Variants in PATL1 observed in about 807,000 individuals in gnomAD.
PATL1 encodes the protein protein PAT1 homolog 1.
Under a neutral mutation model 100.6 loss-of-function variants are expected in PATL1, and 32 were observed. The ratio of observed to expected loss-of-function variants is 0.32; its 90% confidence interval spans 0.24 to 0.43. PATL1 has a LOEUF of 0.43. PATL1 is among the 20% of genes least tolerant of loss of function. The probability of loss-of-function intolerance (pLI) is 1.00; values close to 1 mark genes in which losing one functional copy is unlikely to be tolerated. For missense variants in PATL1, 747 were observed against 949.9 expected (o/e 0.79, Z 2.81); for synonymous variants, 332 against 330.0 (o/e 1.01, Z -0.07).
chr11:59,658,873 A>G lies in PATL1; in HGVS notation c.419T>C (p.Leu140Pro), dbSNP rs1861583573. The part of the protein sequence containing the change: ...EVLRRIRGPL[L>P]AQEMPTVSVL... ...AGAGAAAATATTTAATACCTGAGCA[A>G]GCAGTGGTCCTCGGATTCGCCTCAG... is the stretch of plus-strand genomic sequence containing the variant. The change falls in exon 4 of 19, where the codon CTT becomes CCT. Residue 140 changes from leucine to proline, a missense_variant. Leu to Pro is a moderately conservative substitution (Grantham distance 98). Transcript: ENST00000300146. The G allele has an allele frequency of 1.3e-6, 2 of 1,548,168 alleles. No individual in the cohort carries two copies. Among genetic ancestry groups the G allele is most frequent in the African/African-American group, 1.4e-5 (1 of 72,944 alleles).
At chr11:59,658,827 G>A in intron 4 of PATL1, 39 bp downstream of exon 4, 1 of 1,475,324 alleles carries the variant, frequency 6.8e-7, no homozygotes, top group South Asian at 1.3e-5. Context: ...AAAATTTTTG[G>A]ATATTATAAA....
chr11:59,658,174 A>AAAAAAAAG (rs1554984900), intron 4 of PATL1, among the ~76,000 whole-genome samples: 1 of 150,500 alleles, frequency 6.6e-6, no homozygotes, highest in African/African-American at 2.5e-5. Flanking sequence ...AAAAAAAAAA[A>AAAAAAAAG]AAAGAAAGAA....
chr11:59,650,689 A>T, intron 13 of PATL1, 65 bp downstream of exon 13: 1 of 1,134,434 alleles, frequency 8.8e-7, no homozygotes, highest in Non-Finnish European at 1.3e-6. Flanking sequence ...TTTCAGTTCT[A>T]GTATATACAT....
intron 15 of PATL1, among the ~76,000 whole-genome samples, chr11:59,644,504 T>TA (rs1254933128): frequency 6.6e-6 from 1 of 152,086 alleles, no homozygotes; most frequent in Non-Finnish European, 1.5e-5. Context: ...GTAAGGTTTT[T>TA]AAAATCTCTC....
At chr11:59,668,142 A>G (rs1861716524) in intron 1 of PATL1, among the ~76,000 whole-genome samples, 1 of 152,212 alleles carries the variant, frequency 6.6e-6, no homozygotes, top group South Asian at 2.1e-4. Context: ...TTTAAATTAA[A>G]AATTCTTAAG....
At chr11:59,656,764 T>C (rs1285743003) in intron 5 of PATL1, among the ~76,000 whole-genome samples, 164 bp from the exon 6 acceptor site, 1 of 152,226 alleles carries the variant, frequency 6.6e-6, no homozygotes. Context: ...TTGGGCCACT[T>C]TCTCTCACAA....
rs575316041 is a variant in PATL1, at chr11:59,655,720, A to G, written c.834T>C (p.Ser278=). The G allele has an allele frequency of 3.0e-4, 485 of 1,597,322 alleles. 11 individuals are homozygous for G. The South Asian group carries it at 5.3e-3, about 17-fold the overall frequency. The change falls in exon 8 of 19, where the codon TCT becomes TCC. Residue 278 remains serine, a synonymous_variant. Coordinates refer to ENST00000300146, the MANE Select transcript of PATL1 (RefSeq NM_152716.3). ...CAGGGACCCGTGCAAACTGGCTGGGAGACATCCGTCCAGGCTGTAGCTACA... is the reference window on the plus strand; with the variant it reads ...CAGGGACCCGTGCAAACTGGCTGGGGGACATCCGTCCAGGCTGTAGCTACA... The part of the protein sequence containing the change: ...GGAQLQPGRM[S]PSQFARVPGF...
intron 10 of PATL1, 87 bp downstream of exon 10, chr11:59,652,751 T>C (rs1307614451): frequency 2.0e-6 from 3 of 1,498,534 alleles, no homozygotes; most frequent in Non-Finnish European, 2.7e-6. Flanking sequence ...ATTTTACAAA[T>C]ATTTAATTGT....
At chr11:59,651,090 T>C (rs993124769) in intron 12 of PATL1, among the ~76,000 whole-genome samples, 2 of 152,124 alleles carry the variant, frequency 1.3e-5, no homozygotes, top group African/African-American at 4.8e-5. Context: ...TCTTAAACGT[T>C]AATTTTAGGT....
At chr11:59,650,048 T>G (rs180768178) in intron 13 of PATL1, among the ~76,000 whole-genome samples, 2 of 146,588 alleles carry the variant, frequency 1.4e-5, no homozygotes, top group African/African-American at 5.1e-5. Context: ...TTGAACCCGG[T>G]AGGCGGAGGT....
intron 12 of PATL1, 59 bp downstream of exon 12, chr11:59,651,485 C>G: frequency 7.3e-7 from 1 of 1,363,038 alleles, no homozygotes; most frequent in Non-Finnish European, 1.0e-6. Flanking sequence ...CCATGGTGAC[C>G]CCAAAAGAAG....
rs1861234315 is a variant in PATL1 at position 59,639,032 on chromosome 11, CCT to C, written c.2291+14_2291+15del. 2 of 1,611,290 alleles carry C rather than the reference CCT, an allele frequency of 1.2e-6. No individual in the cohort carries two copies. The highest frequency in any genetic ancestry group is 4.5e-5 in the East Asian group (2 of 44,874). On this transcript the variant is annotated intron_variant, in intron 18 of 18. Coordinates refer to ENST00000300146, the MANE Select transcript of PATL1 (RefSeq NM_152716.3). ...CAACTTTAGTGAGATGTGAAACTCT[CCT>C]GTTTCAAACTTACTGCAGTTTTGTC...
intron 2 of PATL1, among the ~76,000 whole-genome samples, chr11:59,661,184 A>G (rs1009776734): frequency 2.6e-5 from 4 of 152,194 alleles, no homozygotes; most frequent in African/African-American, 9.6e-5. Flanking sequence ...TCCCGGGCTC[A>G]GGTGATTCCC....
chr11:59,659,565 TCTGTCGCCCAG>T lies in PATL1; in HGVS notation c.128-107_128-97del, dbSNP rs1178364121. ...TTTTTTTTTTTAGACAGAGTCTCAC[TCTGTCGCCCAG>T]GCTGCAGTGCAGTGGCGTGATCTCG... On this transcript the variant is annotated intron_variant, in intron 2 of 18. Coordinates refer to ENST00000300146, the MANE Select transcript of PATL1 (RefSeq NM_152716.3). 2.5e-6 allele frequency: 3 copies of T among 1,193,446 alleles called. No homozygotes were observed. The African/African-American group carries it at 4.6e-5, about 18-fold the overall frequency. The allele number at this position is 1,193,446 out of a possible 1,614,324, so 73.9% of individuals were successfully genotyped here.
intron 2 of PATL1, among the ~76,000 whole-genome samples, chr11:59,660,353 G>A (rs1337312494): frequency 1.3e-5 from 2 of 152,188 alleles, no homozygotes; most frequent in African/African-American, 4.8e-5. Context: ...AGGAAAGAGA[G>A]AGATGATAGA....
At chr11:59,663,420 C>T (rs773911771) in intron 2 of PATL1, among the ~76,000 whole-genome samples, 4 of 152,114 alleles carry the variant, frequency 2.6e-5, no homozygotes, top group African/African-American at 4.8e-5. Context: ...GTGATTCCTT[C>T]CAAGTGGAGG....
chr11:59,665,194 G>A (rs915820476), intron 2 of PATL1, among the ~76,000 whole-genome samples: 6 of 152,066 alleles, frequency 3.9e-5, no homozygotes, highest in Non-Finnish European at 7.4e-5. Context: ...CTTCATTTTT[G>A]CCAGTTTATT....
At chr11:59,660,713 T>C (rs911738855) in intron 2 of PATL1, among the ~76,000 whole-genome samples, 6 of 152,186 alleles carry the variant, frequency 3.9e-5, no homozygotes, top group African/African-American at 1.4e-4. Context: ...TGGGCCACTA[T>C]GATTGAAATG....
At chr11:59,668,769 T>G in intron 1 of PATL1, 112 bp downstream of exon 1, 1 of 553,444 alleles carries the variant, frequency 1.8e-6, no homozygotes, top group Non-Finnish European at 3.3e-6. Context: ...GTCCTGCGAC[T>G]CCCCCAGCCC....
Sources: gnomAD v4.1 joint callset for allele counts (sites outside exome capture counted in the v4.1 genomes callset) on GRCh38, gnomAD v4.1.1 for gene constraint, MANE v1.5 for transcripts, NCBI Gene and HGNC (gene_info 2026-07-23, HGNC 2026-07-21) for gene names.